HERC3: variants seen among roughly 807,000 people sequenced by gnomAD.
HERC3 encodes the protein HECT and RLD domain containing E3 ubiquitin protein ligase 3.
In HERC3, 58 loss-of-function variants were observed where a neutral mutation model predicts 129.9. The ratio of observed to expected loss-of-function variants is 0.45; its 90% CI spans 0.36 to 0.56. HERC3 has a LOEUF of 0.56. HERC3 is among the 20% of genes least tolerant of loss of function. HERC3 has a pLI of 0.00. For missense variants in HERC3, 835 were observed against 1,244.2 expected, an observed-to-expected ratio of 0.67 and a Z score of 4.95; for synonymous variants, 430 against 451.0, an observed-to-expected ratio of 0.95 and a Z score of 0.59.
intron 3 of HERC3, among the ~76,000 whole-genome samples, chr4:88,641,684 A>G (rs1013792705): frequency 3.3e-5 from 5 of 152,244 alleles, no homozygotes; most frequent in African/African-American, 1.2e-4. Context: ...AGTTCTCTCT[A>G]TATACATTTA....
intron 25 of HERC3, among the ~76,000 whole-genome samples, 199 bp from the exon 26 acceptor site, chr4:88,706,553 T>C (rs111750649): frequency 0.01 from 1,525 of 152,130 alleles, 26 homozygotes; most frequent in African/African-American, 0.035. Context: ...TTTGTGAGGG[T>C]GTACATTTGA....
At chr4:88,571,770 T>C in the HERC3 span, among the ~76,000 whole-genome samples, 7 of 152,192 alleles carry the variant, frequency 4.6e-5, no homozygotes. Context: ...AGTTTGAATA[T>C]TGTTTATAAG....
At chr4:88,615,315 T>C (rs1406661298) in intron 3 of HERC3, among the ~76,000 whole-genome samples, 1 of 152,144 alleles carries the variant, frequency 6.6e-6, no homozygotes, top group Non-Finnish European at 1.5e-5. Flanking sequence ...TCAGCTGATA[T>C]TTTACATCTC....
intron 23 of HERC3, among the ~76,000 whole-genome samples, chr4:88,694,855 T>G (rs1734434901): frequency 6.6e-6 from 1 of 152,188 alleles, no homozygotes; most frequent in Admixed American, 6.5e-5. Context: ...TCACATATAT[T>G]TTGATCATTA....
the HERC3 span, among the ~76,000 whole-genome samples, chr4:88,542,516 G>A: frequency 6.6e-6 from 1 of 152,140 alleles, no homozygotes. Flanking sequence ...GTACAAAGAG[G>A]AGCTGGTACC....
At chr4:88,656,729 G>A (rs1382853267) in intron 9 of HERC3, 1 of 152,188 alleles carries the variant, frequency 6.6e-6, no homozygotes, top group Admixed American at 6.5e-5. Context: ...TGCTAATAAT[G>A]ACAGTTCGCA....
rs902069421 is a variant in HERC3 at position 88,673,309 on chromosome 4, C to T, written c.1912-2909C>T. Among the ~76,000 whole-genome samples, 3 of 152,280 alleles carry T rather than the reference C, an allele frequency of 2.0e-5. No homozygotes were observed. In the East Asian group the frequency reaches 5.8e-4, roughly 29 times the overall value. ...TAAGGCAGAGGAGGCTGTATTTCTT[C>T]TCCAGCACTGCAGGTGTGCGTGTAG... On this transcript the variant is annotated intron_variant, in intron 16 of 25. Coordinates refer to ENST00000402738, the MANE Select transcript of HERC3 (RefSeq NM_014606.3).
rs1038965836 is a variant in HERC3, at chr4:88,605,818, A to G, written c.-6A>G. 1 of 1,610,322 alleles carries G rather than the reference A, an allele frequency of 6.2e-7. No homozygotes were observed. The highest frequency in any genetic ancestry group is 8.5e-7 in the Non-Finnish European group (1 of 1,176,516). On this transcript the variant is annotated 5_prime_UTR_variant, in exon 3 of 26. Transcript: ENST00000402738. ...AGGCTACATGATTCCCTGAAAGATA[A>G]GAACAATGTTATGTTGGGGATATTG...
the HERC3 span, chr4:88,584,087 C>T: frequency 3.3e-5 from 5 of 152,196 alleles, no homozygotes; most frequent in Admixed American, 1.3e-4. Flanking sequence ...TATTATCTCA[C>T]AATCCTGAAG....
chr4:88,676,482 C>A, intron 18 of HERC3, 59 bp downstream of exon 18: 1 of 1,206,654 alleles, frequency 8.3e-7, no homozygotes, highest in African/African-American at 1.5e-5. Flanking sequence ...TCTAGACATT[C>A]AGTTGTAATT....
upstream of HERC3, among the ~76,000 whole-genome samples, chr4:88,591,212 G>A (rs1234492437): frequency 6.6e-6 from 1 of 152,186 alleles, no homozygotes; most frequent in African/African-American, 2.4e-5. Context: ...GTTTCTAAAC[G>A]TGTCAAGTGT....
At chr4:88,595,100 CAAAAAAAA>C (rs758727600) in intron 1 of HERC3, among the ~76,000 whole-genome samples, 2 of 60,084 alleles carry the variant, frequency 3.3e-5, no homozygotes, top group Non-Finnish European at 5.7e-5. Flanking sequence ...GACTCTGTCT[CAAAAAAAA>C]AAAAAAAAAA....
In HERC3 at chr4:88,678,013, T is replaced by C. The variant is rs772106677; in HGVS notation, c.2075T>C (p.Leu692Pro). ...NLQNVFMLLT[L>P]EPLLARSPFL... ...CAGAATGTCTTCATGCTTCTCACCC[T>C]GGAGCCTCTGCTGGCCAGAAGCCCC... Residue 692 changes from leucine (L) to proline (P), a missense_variant, in exon 19 of 26, where the codon CTG (leucine) becomes CCG (proline). By Grantham distance (98) the Leu-to-Pro change is moderately conservative. Coordinates refer to ENST00000402738, the MANE Select transcript of HERC3 (RefSeq NM_014606.3). 6.2e-7 allele frequency: 1 copy of C among 1,613,770 alleles called. No homozygotes were observed. The highest frequency in any genetic ancestry group is 8.5e-7 in the Non-Finnish European group (1 of 1,180,012).
At chr4:88,704,321 AAGC>A (rs1273369201) in intron 24 of HERC3, 40 bp downstream of exon 24, 11 of 1,595,180 alleles carry the variant, frequency 6.9e-6, no homozygotes, top group South Asian at 1.1e-5. Flanking sequence ...AACTCCGGCG[AAGC>A]AGCAGCAGCC....
intron 22 of HERC3, 40 bp from the exon 23 acceptor site, chr4:88,687,177 A>G: frequency 6.7e-7 from 1 of 1,486,074 alleles, no homozygotes; most frequent in Non-Finnish European, 9.4e-7. Flanking sequence ...ATGAATGGTT[A>G]ACAAAATTGA....
At chr4:88,568,398 G>A in the HERC3 span, among the ~76,000 whole-genome samples, 4 of 152,222 alleles carry the variant, frequency 2.6e-5, no homozygotes, top group Non-Finnish European at 4.4e-5. Flanking sequence ...GATGGGTCCA[G>A]AAATGTCATC....
chr4:88,686,519 G>C (rs1158932307), intron 21 of HERC3, among the ~76,000 whole-genome samples: 2 of 152,288 alleles, frequency 1.3e-5, no homozygotes, highest in East Asian at 3.9e-4. Context: ...TTGTCGGTAA[G>C]AAGAGAGAAT....
chr4:88,655,218 T>G lies in HERC3; in HGVS notation c.822T>G (p.Leu274=). 1 of 1,614,010 alleles carries G rather than the reference T, an allele frequency of 6.2e-7. No homozygotes were observed. The highest frequency in any genetic ancestry group is 8.5e-7 in the Non-Finnish European group (1 of 1,179,912). The change falls in exon 8 of 26, where the codon CTT becomes CTG. Residue 274 remains leucine, a synonymous_variant. Coordinates refer to ENST00000402738, the MANE Select transcript of HERC3 (RefSeq NM_014606.3). The part of the protein sequence containing the change: ...FTFGAGSCGQ[L]GHDSMNDEVN... ...TTGGCGCTGGTTCCTGTGGGCAACTTGGACACGACTCCATGAATGATGAGG... is the reference window on the plus strand; with the variant it reads ...TTGGCGCTGGTTCCTGTGGGCAACTGGGACACGACTCCATGAATGATGAGG...
At chr4:88,565,159 G>C in the HERC3 span, among the ~76,000 whole-genome samples, 1 of 151,950 alleles carries the variant, frequency 6.6e-6, no homozygotes, top group Non-Finnish European at 1.5e-5. Flanking sequence ...TCAAGGATAT[G>C]TTCTATCCTT....
Sources: allele counts gnomAD v4.1 joint callset (sites outside exome capture counted in the v4.1 genomes callset), GRCh38; gene constraint gnomAD v4.1.1; transcripts MANE v1.5; gene names NCBI Gene and HGNC (gene_info 2026-07-23, HGNC 2026-07-21).